The following TBC1D2B variants were observed in gnomAD, a reference collection of about 807,000 sequenced individuals.
TBC1D2B encodes the protein TBC1 domain family, member 2B.
TBC1D2B carries 64 observed loss-of-function variants against 100.8 expected under a neutral mutation model. The ratio of observed to expected loss-of-function variants is 0.64; its 90% CI spans 0.52 to 0.78. TBC1D2B has a LOEUF of 0.78. Ranked by LOEUF, TBC1D2B falls within the 30% of genes least tolerant of loss-of-function variation. The probability of loss-of-function intolerance (pLI) is 0.00; values close to 1 mark genes in which losing one functional copy is unlikely to be tolerated. For missense variants in TBC1D2B, 1,052 were observed against 1,218.4 expected (o/e 0.86, Z 2.03); for synonymous variants, 480 against 479.7 (o/e 1.00, Z -0.01).
intron 2 of TBC1D2B, among the ~76,000 whole-genome samples, chr15:78,049,173 G>GC (rs1330232000): frequency 6.6e-6 from 1 of 152,142 alleles, no homozygotes; most frequent in African/African-American, 2.4e-5. Context: ...AAAAGGGGCA[G>GC]CCAACCACCA....
chr15:78,031,004 T>G (rs939633742), intron 3 of TBC1D2B, among the ~76,000 whole-genome samples: 20 of 152,214 alleles, frequency 1.3e-4, no homozygotes, highest in African/African-American at 4.6e-4. Flanking sequence ...ATTATTCTTG[T>G]GGAATGTACA....
Position 77,995,151 on chromosome 15 carries a change from G to T in TBC1D2B, c.*3009C>A, listed in dbSNP as rs1395201744. 1 of 152,142 alleles carries T rather than the reference G, an allele frequency of 6.6e-6. No individual in the cohort carries two copies. Among genetic ancestry groups the T allele is most frequent in the Non-Finnish European group, 1.5e-5 (1 of 68,036 alleles). 9.4% of individuals were successfully genotyped at this position (152,142 alleles called of 1,614,324 possible). A position where few individuals can be genotyped will look rare whatever the true frequency, so the allele number is the denominator to read the frequency against. The stretch of plus-strand genomic sequence containing the variant: ...GTGGGACGTTCAGTGGCACACAGTG[G>T]GTCTCTGTATGGCCTCCCACCTGCA... On this transcript the variant is annotated 3_prime_UTR_variant, in exon 13 of 13. Coordinates refer to ENST00000300584, the MANE Select transcript of TBC1D2B (RefSeq NM_144572.2).
In TBC1D2B at chr15:77,996,254, C is replaced by T. The variant is rs550504137; in HGVS notation, c.*1906G>A. ...ATCTCTCAGGGCAAACTGGACAACACGAGCCTGTCCCTAAAGGCAGCTCTT... is the reference window on the plus strand; with the variant it reads ...ATCTCTCAGGGCAAACTGGACAACATGAGCCTGTCCCTAAAGGCAGCTCTT... On this transcript the variant is annotated 3_prime_UTR_variant, in exon 13 of 13. Transcript: ENST00000300584. 209 of 151,562 alleles carry T rather than the reference C, an allele frequency of 1.4e-3. 1 individual carries two copies. The highest frequency in any genetic ancestry group is 4.9e-3 in the African/African-American group (202 of 40,972). 9.4% of individuals were successfully genotyped at this position (151,562 alleles called of 1,614,324 possible).
intron 1 of TBC1D2B, among the ~76,000 whole-genome samples, chr15:78,064,637 T>C (rs142076275): frequency 1.2e-3 from 178 of 152,220 alleles, no homozygotes; most frequent in East Asian, 8.9e-3. Flanking sequence ...AAAATTCAAA[T>C]GGAAAACAGA....
chr15:78,016,993 C>T, intron 7 of TBC1D2B: 1 of 398,796 alleles, frequency 2.5e-6, no homozygotes, highest in Admixed American at 4.3e-5. Flanking sequence ...AATGCATCAC[C>T]TCTGGACAGA....
intron 2 of TBC1D2B, among the ~76,000 whole-genome samples, chr15:78,052,199 A>T (rs117075735): frequency 2.0e-4 from 30 of 150,916 alleles, no homozygotes; most frequent in Non-Finnish European, 1.3e-4. Flanking sequence ...CTGTCATCTG[A>T]CTCCCCTCCT....
chr15:78,003,583 G>A (rs1174558735), intron 10 of TBC1D2B, 93 bp from the exon 11 acceptor site: 3 of 887,358 alleles, frequency 3.4e-6, no homozygotes, highest in Non-Finnish European at 5.3e-6. Flanking sequence ...CCTGGGGGTG[G>A]AGCCCAAGTG....
intron 10 of TBC1D2B, among the ~76,000 whole-genome samples, chr15:78,004,537 A>C (rs1304995422): frequency 6.6e-6 from 1 of 152,224 alleles, no homozygotes; most frequent in African/African-American, 2.4e-5. Flanking sequence ...TCCTCACAAA[A>C]AAACATGCAT....
intron 3 of TBC1D2B, among the ~76,000 whole-genome samples, chr15:78,036,334 G>A (rs531329414): frequency 1.3e-5 from 2 of 152,204 alleles, no homozygotes; most frequent in African/African-American, 4.8e-5. Flanking sequence ...TGGCAGGCCT[G>A]CAAGCCAGGT....
At chr15:78,016,449 C>A (rs1233815890) in intron 8 of TBC1D2B, 97 bp downstream of exon 8, 1 of 1,158,296 alleles carries the variant, frequency 8.6e-7, no homozygotes, top group Non-Finnish European at 1.2e-6. Flanking sequence ...AAATGAGACA[C>A]ACAGTTGTGT....
Position 78,035,084 on chromosome 15 carries a change from G to A in TBC1D2B, c.684-4914C>T, listed in dbSNP as rs183839008. ...GACAGATCTTTGAGAGGCCTACTGT[G>A]TTCTCCCAGGCAGCGTGCCAGGTGC... On this transcript the variant is annotated intron_variant, in intron 3 of 12. Transcript: ENST00000300584. Among the ~76,000 whole-genome samples the A allele has an allele frequency of 2.0e-4, 31 of 152,290 alleles. No individual in the cohort carries two copies. In the East Asian group the frequency reaches 5.6e-3, roughly 28 times the overall value.
At position 78,026,053 on chromosome 15, in the gene TBC1D2B, A is replaced by G. The variant is rs556284813; in HGVS notation, c.848-556T>C. ...CCTTGGAAGACTGTATCACAGGATC[A>G]TTTTTCATGGAAAACTAAGACATAC... is the stretch of plus-strand genomic sequence containing the variant. On this transcript the variant is annotated intron_variant, in intron 4 of 12. Transcript: ENST00000300584. Among the ~76,000 whole-genome samples, 47 of 151,772 alleles carry G rather than the reference A, an allele frequency of 3.1e-4. No homozygotes were observed. The Middle Eastern group carries it at 0.017, about 55-fold the overall frequency.
intron 2 of TBC1D2B, 145 bp downstream of exon 2, chr15:78,053,889 G>C (rs2073366248): frequency 2.0e-5 from 19 of 945,294 alleles, no homozygotes; most frequent in Non-Finnish European, 2.8e-5. Context: ...GGAGGCGCTG[G>C]GTAACTGTGG....
intron 4 of TBC1D2B, 143 bp downstream of exon 4, chr15:78,029,864 T>C: frequency 1.9e-6 from 1 of 527,966 alleles, no homozygotes; most frequent in Non-Finnish European, 3.1e-6. Context: ...TAAGCCTTTA[T>C]GTTTTAAGTC....
intron 11 of TBC1D2B, chr15:78,002,620 T>C (rs2071945450): frequency 6.6e-6 from 1 of 152,226 alleles, no homozygotes; most frequent in South Asian, 2.1e-4. Context: ...TTCTCTAATT[T>C]AGTTTGTTTT....
At chr15:78,023,576 C>A (rs1008550784) in intron 6 of TBC1D2B, among the ~76,000 whole-genome samples, 12 of 152,192 alleles carry the variant, frequency 7.9e-5, no homozygotes, top group African/African-American at 2.9e-4. Flanking sequence ...AGCCTCCCAG[C>A]CTAAGGGCTA....
chr15:78,077,149 G>T, intron 1 of TBC1D2B, 144 bp downstream of exon 1: 1 of 1,139,884 alleles, frequency 8.8e-7, no homozygotes, highest in Non-Finnish European at 1.2e-6. Flanking sequence ...ACGAGGGCGG[G>T]ATGTGGAGAA....
At chr15:78,025,834 T>C (rs1431936174) in intron 4 of TBC1D2B, among the ~76,000 whole-genome samples, 1 of 152,084 alleles carries the variant, frequency 6.6e-6, no homozygotes, top group Non-Finnish European at 1.5e-5. Context: ...CCAAAACTTG[T>C]ATTTTAAACA....
At chr15:78,056,515 G>A (rs756995179) in intron 1 of TBC1D2B, among the ~76,000 whole-genome samples, 4 of 152,340 alleles carry the variant, frequency 2.6e-5, no homozygotes, top group Non-Finnish European at 5.9e-5. Context: ...CCTGGAGTTT[G>A]GGAGGCAGGC....
Sources: allele counts gnomAD v4.1 joint callset (sites outside exome capture counted in the v4.1 genomes callset), GRCh38; gene constraint gnomAD v4.1.1; transcripts MANE v1.5; gene names NCBI Gene and HGNC (gene_info 2026-07-23, HGNC 2026-07-21).